Variants in SATB1 observed in about 807,000 individuals in gnomAD.
SATB1 encodes DNA-binding protein SATB1.
In SATB1, 11 loss-of-function variants were observed where a neutral mutation model predicts 86.9. That is an observed-to-expected ratio of 0.13 (90% CI 0.08 to 0.21). The LOEUF is 0.21. Among genes scored for constraint, SATB1 ranks in the 10% least tolerant of loss-of-function variants. The probability of loss-of-function intolerance (pLI) is 1.00; values close to 1 mark genes in which losing one functional copy is unlikely to be tolerated. For synonymous variants in SATB1, 357 were observed against 357.2 expected (o/e 1.00, Z 0.01); for missense variants, 551 against 937.6 (o/e 0.59, Z 5.39).
chr3:18,441,492 T>G (rs1699243184), upstream of SATB1, among the ~76,000 whole-genome samples: 2 of 152,188 alleles, frequency 1.3e-5, no homozygotes, highest in African/African-American at 4.8e-5. Context: ...TCATATGCAT[T>G]TATTTTAAAT....
At position 18,444,126 on chromosome 3, in the gene SATB1, TG is replaced by T. The variant is rs1394784469; in HGVS notation, c.-25+1391del. 1.3e-5 allele frequency among the ~76,000 whole-genome samples: 2 copies of T among 151,928 alleles called. No individual in the cohort carries two copies. Among genetic ancestry groups the T allele is most frequent in the African/African-American group, 2.4e-5 (1 of 41,356 alleles). On this transcript the variant is annotated intron_variant, in intron 1 of 3. Transcript: ENST00000415069. This position sits in a 1 kb window ranked among gnomAD's most constrained non-coding sequence, Gnocchi z 5.1. ...GATGCTGAGCAGACTCGCGATCCGG[TG>T]GGGGAACATTACCACTCCCGCAGCC...
At chr3:18,441,974 T>A (rs369084648), upstream of SATB1, among the ~76,000 whole-genome samples, 1 of 152,198 alleles carries the variant, frequency 6.6e-6, no homozygotes, top group Non-Finnish European at 1.5e-5. Context: ...AAAGAACTAC[T>A]TTTGTAGATT....
chr3:18,387,434 A>T (rs969746760), intron 7 of SATB1, among the ~76,000 whole-genome samples: 1 of 152,224 alleles, frequency 6.6e-6, no homozygotes, highest in African/African-American at 2.4e-5. Context: ...GTGATAGAAG[A>T]AATTTATAAA....
At chr3:18,414,604 G>A (rs1038497462) in intron 5 of SATB1, among the ~76,000 whole-genome samples, 1 of 152,014 alleles carries the variant, frequency 6.6e-6, no homozygotes, top group Admixed American at 6.6e-5. Context: ...CTTTAGTTAA[G>A]AGTAATTATT....
chr3:18,431,339 C>T (rs1180311841), intron 2 of SATB1, among the ~76,000 whole-genome samples: 2 of 152,176 alleles, frequency 1.3e-5, no homozygotes, highest in African/African-American at 4.8e-5. Flanking sequence ...ATTTCCTTCT[C>T]CATGCTCCAT....
chr3:18,431,382 T>A (rs1698886172), intron 2 of SATB1, among the ~76,000 whole-genome samples: 1 of 152,184 alleles, frequency 6.6e-6, no homozygotes, highest in African/African-American at 2.4e-5. Flanking sequence ...ACATTTCATA[T>A]CTATCTATAT....
intron 5 of SATB1, among the ~76,000 whole-genome samples, chr3:18,402,026 C>G (rs1327515833): frequency 6.6e-6 from 1 of 152,048 alleles, no homozygotes; most frequent in Non-Finnish European, 1.5e-5. Context: ...ACATTCTGAA[C>G]CTTTGCTCTA....
In SATB1 at chr3:18,386,511, G is replaced by T; in HGVS notation, c.1307C>A (p.Pro436Gln). ...LRAMQNFLQL[P>Q]EAERDRIYQD... ...GTATATTCGGTCTCTTTCAGCTTCC[G>T]GTAACTGCAAGAAATTCTGCATAGC... The change falls in exon 8 of 11, where the codon CCG (proline) becomes CAG (glutamine). Residue 436 changes from proline to glutamine, a missense_variant. This residue lies in a region of SATB1 where 110 missense variants were observed against 212.2 expected (regional missense o/e 0.52). Coordinates refer to ENST00000338745, the MANE Select transcript of SATB1 (RefSeq NM_002971.6). The surrounding 1 kb of genome is among the most constrained non-coding windows in gnomAD (Gnocchi z 4.5). 6.2e-7 allele frequency: 1 copy of T among 1,614,054 alleles called. No homozygotes were observed. The highest frequency in any genetic ancestry group is 1.7e-5 in the Admixed American group (1 of 60,006).
chr3:18,362,232 CCTG>C (rs1419011885), intron 9 of SATB1, among the ~76,000 whole-genome samples: 4 of 152,036 alleles, frequency 2.6e-5, no homozygotes, highest in Non-Finnish European at 5.9e-5. Context: ...CACCCCCAAC[CCTG>C]CTATTTGAGT....
Position 18,347,234 on chromosome 3 carries a change from C to T in SATB1, c.*1936G>A, listed in dbSNP as rs1178709452. 1.3e-5 allele frequency: 2 copies of T among 152,024 alleles called. No homozygotes were observed. Among genetic ancestry groups the T allele is most frequent in the Non-Finnish European group, 2.9e-5 (2 of 68,024 alleles). The allele number at this position is 152,024 out of a possible 1,614,324, so 9.4% of individuals were successfully genotyped here. A position where few individuals can be genotyped will look rare whatever the true frequency, so the allele number is the denominator to read the frequency against. ...ATGGTATCTCAAGCAACCCAGATAC[C>T]CCTACTAGCATCTAGGAAACAAAGT... On this transcript the variant is annotated 3_prime_UTR_variant, in exon 11 of 11. Transcript: ENST00000338745.
Position 18,444,732 on chromosome 3 carries a change from C to T in SATB1, c.-25+786G>A. ...CGGCTTCTGCCTCTCCTGCCGCCGC[C>T]GCCGCCGCCGGAGCTGCGGCTGCCG... On this transcript the variant is annotated intron_variant, in intron 1 of 3. Transcript: ENST00000415069. This position sits in a 1 kb window ranked among gnomAD's most constrained non-coding sequence, Gnocchi z 5.1. The T allele has an allele frequency of 1.2e-6, 1 of 823,918 alleles. No individual in the cohort carries two copies. The highest frequency in any genetic ancestry group is 1.5e-6 in the Non-Finnish European group (1 of 682,924). 51.0% of individuals were successfully genotyped at this position (823,918 alleles called of 1,614,324 possible).
chr3:18,351,505 G>A, intron 10 of SATB1: 1 of 866,514 alleles, frequency 1.2e-6, no homozygotes, highest in Non-Finnish European at 1.8e-6. Context: ...AAGGGCCAAG[G>A]ACTGTAAGGC....
chr3:18,430,785 G>A (rs1698863587), intron 2 of SATB1, among the ~76,000 whole-genome samples: 1 of 152,158 alleles, frequency 6.6e-6, no homozygotes, highest in Non-Finnish European at 1.5e-5. Flanking sequence ...GAATGATAGC[G>A]ATCAAAAGTT....
At chr3:18,358,169 T>A (rs1694744587) in intron 9 of SATB1, among the ~76,000 whole-genome samples, 1 of 151,968 alleles carries the variant, frequency 6.6e-6, no homozygotes. Context: ...GGCATTAAAG[T>A]TGAGGGCAAG....
chr3:18,404,558 A>AT (rs1697426640), intron 5 of SATB1, among the ~76,000 whole-genome samples: 1 of 152,004 alleles, frequency 6.6e-6, no homozygotes, highest in Admixed American at 6.6e-5. Flanking sequence ...TTCTATTTTA[A>AT]TTTTCCTACT....
upstream of SATB1, among the ~76,000 whole-genome samples, chr3:18,440,733 ATTAAC>A (rs567419418): frequency 2.0e-3 from 309 of 152,296 alleles, no homozygotes; most frequent in African/African-American, 6.1e-3. Flanking sequence ...TGATCTATTA[ATTAAC>A]TTAACTCTGT....
intron 2 of SATB1, among the ~76,000 whole-genome samples, chr3:18,434,720 C>T (rs1699002424): frequency 6.6e-6 from 1 of 151,860 alleles, no homozygotes; most frequent in Admixed American, 6.6e-5. Context: ...AGAGTCTGAT[C>T]ATCTTTAAGA....
upstream of SATB1, among the ~76,000 whole-genome samples, chr3:18,440,525 GGTAA>G (rs1699214311): frequency 6.6e-6 from 1 of 152,086 alleles, no homozygotes; most frequent in South Asian, 2.1e-4. Flanking sequence ...ACTTCAGGAA[GGTAA>G]GTAATATTTT....
At chr3:18,397,783 T>A (rs889282805) in intron 5 of SATB1, among the ~76,000 whole-genome samples, 2 of 152,182 alleles carry the variant, frequency 1.3e-5, no homozygotes, top group African/African-American at 4.8e-5. Context: ...CCAGTGCACT[T>A]AGCAGCTGAA....
Sources: gnomAD v4.1 joint callset for allele counts (sites outside exome capture counted in the v4.1 genomes callset) on GRCh38, gnomAD v4.1.1 for gene constraint, gnomAD v4.1.1 regional missense constraint, Gnocchi (gnomAD v3.1) non-coding constraint, MANE v1.5 for transcripts, NCBI Gene and HGNC (gene_info 2026-07-23, HGNC 2026-07-21) for gene names.